Variants in CEMIP observed in about 807,000 individuals in gnomAD.
CEMIP encodes the protein cell migration-inducing and hyaluronan-binding protein.
In CEMIP, 105 loss-of-function variants were observed where a neutral mutation model predicts 156.9. The ratio of observed to expected loss-of-function variants is 0.67; its 90% CI spans 0.57 to 0.79. The LOEUF (loss-of-function observed/expected upper bound fraction) is 0.79, where lower values mean the gene tolerates loss of function less well. Ranked by LOEUF, CEMIP falls within the 30% of genes least tolerant of loss-of-function variation. The pLI is 0.00. For missense variants in CEMIP, 1,457 were observed against 1,769.4 expected (o/e 0.82, Z 3.17); for synonymous variants, 676 against 668.4 (o/e 1.01, Z -0.17).
At chr15:80,824,534 C>G (rs1896986190) in intron 1 of CEMIP, among the ~76,000 whole-genome samples, 2 of 152,178 alleles carry the variant, frequency 1.3e-5, no homozygotes, top group South Asian at 2.1e-4. Context: ...CCCGCAGCCT[C>G]TTGCCCCATG....
chr15:80,821,660 G>A (rs1184713134), intron 1 of CEMIP, among the ~76,000 whole-genome samples: 1 of 152,190 alleles, frequency 6.6e-6, no homozygotes, highest in Non-Finnish European at 1.5e-5. Context: ...GAGGGAGAGG[G>A]AATGAGGTCT....
chr15:80,839,586 G>A (rs1469841951), intron 1 of CEMIP, among the ~76,000 whole-genome samples: 2 of 152,130 alleles, frequency 1.3e-5, no homozygotes, highest in Non-Finnish European at 2.9e-5. Context: ...CCTGTGCAGT[G>A]GGAAAAGGCA....
intron 25 of CEMIP, among the ~76,000 whole-genome samples, chr15:80,940,702 G>A (rs149956256): frequency 6.6e-6 from 1 of 152,240 alleles, no homozygotes; most frequent in Admixed American, 6.5e-5. Context: ...GCTACAGAGA[G>A]AAGACCAAGG....
At chr15:80,901,579 G>A (rs1899555124) in intron 12 of CEMIP, among the ~76,000 whole-genome samples, 2 of 151,980 alleles carry the variant, frequency 1.3e-5, no homozygotes, top group African/African-American at 4.8e-5. Context: ...GCAGGCACCT[G>A]TAATCCCAGC....
rs780972690 is a variant in CEMIP at position 80,924,720 on chromosome 15, G to A, written c.2288+14G>A. On this transcript the variant is annotated intron_variant, in intron 18 of 29. Transcript: ENST00000394685. ...CATCTCTGCCAGGTAATCAGCCATTGGGAAGACACAGTCCACGGTGACCTT... is the reference window on the plus strand; with the variant it reads ...CATCTCTGCCAGGTAATCAGCCATTAGGAAGACACAGTCCACGGTGACCTT... 2.5e-6 allele frequency: 4 copies of A among 1,612,402 alleles called. No homozygotes were observed. The highest frequency in any genetic ancestry group is 2.5e-6 in the Non-Finnish European group (3 of 1,178,640).
chr15:80,898,764 T>C (rs968098260), intron 12 of CEMIP, among the ~76,000 whole-genome samples: 2 of 152,212 alleles, frequency 1.3e-5, no homozygotes, highest in Non-Finnish European at 2.9e-5. Context: ...GCTATTTCTC[T>C]GCATGTCTCC....
chr15:80,930,379 G>T (rs1243276601), intron 21 of CEMIP, among the ~76,000 whole-genome samples: 1 of 152,210 alleles, frequency 6.6e-6, no homozygotes, highest in African/African-American at 2.4e-5. Context: ...ATGCTCTGAT[G>T]ACTTCCAAAG....
chr15:80,791,897 G>A (rs1896091468), intron 1 of CEMIP, among the ~76,000 whole-genome samples: 1 of 152,222 alleles, frequency 6.6e-6, no homozygotes, highest in African/African-American at 2.4e-5. Flanking sequence ...CACGAAGGAT[G>A]CAGATTCAGC....
At chr15:80,947,729 T>C (rs1901623892) in intron 29 of CEMIP, 1 of 153,688 alleles carries the variant, frequency 6.5e-6, no homozygotes, top group African/African-American at 2.4e-5. Context: ...ATGATCATTG[T>C]GGTTGCTATT....
intron 1 of CEMIP, among the ~76,000 whole-genome samples, chr15:80,795,539 G>C (rs1202778592): frequency 6.6e-6 from 1 of 152,178 alleles, no homozygotes; most frequent in Non-Finnish European, 1.5e-5. Context: ...CTAGGTGGAT[G>C]TTAGGAAGAC....
At chr15:80,880,781 T>A in intron 5 of CEMIP, 119 bp from the exon 6 acceptor site, 1 of 823,332 alleles carries the variant, frequency 1.2e-6, no homozygotes, top group East Asian at 2.4e-5. Flanking sequence ...TGTGACTGGC[T>A]CTATGGTGGC....
rs545796881 is a variant in CEMIP at position 80,860,972 on chromosome 15, T to C, written c.-175-12566T>C. ...GCCACCTTATCAGAGAGAGCTTTCCTCTCCTCTGCTTGATTTCTCTCTGTA... is the reference window on the plus strand; with the variant it reads ...GCCACCTTATCAGAGAGAGCTTTCCCCTCCTCTGCTTGATTTCTCTCTGTA... On this transcript the variant is annotated intron_variant, in intron 1 of 29. Coordinates refer to ENST00000394685, the MANE Select transcript of CEMIP (RefSeq NM_001293298.2). 1.2e-4 allele frequency among the ~76,000 whole-genome samples: 18 copies of C among 152,146 alleles called. 1 individual carries two copies. The South Asian group carries it at 3.3e-3, about 28-fold the overall frequency.
intron 1 of CEMIP, among the ~76,000 whole-genome samples, chr15:80,797,377 A>T (rs1456699187): frequency 6.6e-6 from 1 of 151,974 alleles, no homozygotes; most frequent in Non-Finnish European, 1.5e-5. Flanking sequence ...TGGCGTGTGG[A>T]GGGTAGGGAG....
At chr15:80,838,430 T>C (rs1897313607) in intron 1 of CEMIP, among the ~76,000 whole-genome samples, 1 of 152,110 alleles carries the variant, frequency 6.6e-6, no homozygotes, top group Non-Finnish European at 1.5e-5. Context: ...ATCTGCCTAG[T>C]GGTTCTGAAA....
intron 1 of CEMIP, among the ~76,000 whole-genome samples, chr15:80,838,800 G>A (rs954541421): frequency 6.6e-5 from 10 of 152,116 alleles, no homozygotes; most frequent in African/African-American, 2.4e-4. Flanking sequence ...TTTTGCAGAC[G>A]AGCACACTGA....
rs770293978 is a variant in CEMIP, at chr15:80,879,735, C to A, written c.261C>A (p.Asp87Glu). The A allele has an allele frequency of 1.9e-6, 3 of 1,614,194 alleles. No individual in the cohort carries two copies. The highest frequency in any genetic ancestry group is 2.2e-5 in the South Asian group (2 of 91,082). Reference protein sequence around the residue: ...ISEGGKLVIKDHDEPIVLRTR... With the variant: ...ISEGGKLVIKEHDEPIVLRTR... ...CTTCAGGCAAGCTGGTCATTAAAGA[C>A]CACGACGAGCCGATTGTTTTGCGAA... The change falls in exon 5 of 30, where the codon GAC (aspartate) becomes GAA (glutamate). Residue 87 changes from aspartate to glutamate, a missense_variant. Physicochemically the swap from Asp to Glu is conservative, Grantham distance 45 (BLOSUM62 2). This residue lies in a region of CEMIP where 309 missense variants were observed against 340.8 expected (regional missense o/e 0.91). Coordinates refer to ENST00000394685, the MANE Select transcript of CEMIP (RefSeq NM_001293298.2).
chr15:80,879,582 G>C, intron 4 of CEMIP, 134 bp from the exon 5 acceptor site: 1 of 1,011,100 alleles, frequency 9.9e-7, no homozygotes, highest in Non-Finnish European at 1.6e-6. Flanking sequence ...ACCAAGCATA[G>C]GAATGTTTGG....
intron 5 of CEMIP, 64 bp from the exon 6 acceptor site, chr15:80,880,836 T>G: frequency 1.4e-6 from 2 of 1,387,324 alleles, no homozygotes; most frequent in African/African-American, 1.4e-5. Flanking sequence ...CTAGGTTCCC[T>G]CTGGGTTCAG....
At chr15:80,927,314 C>A (rs558471001) in intron 19 of CEMIP, among the ~76,000 whole-genome samples, 5 of 152,216 alleles carry the variant, frequency 3.3e-5, no homozygotes, top group Admixed American at 1.3e-4. Flanking sequence ...GAAGGAAGAA[C>A]CTTCCTACCA....
Sources: allele counts gnomAD v4.1 joint callset (sites outside exome capture counted in the v4.1 genomes callset), GRCh38; gene constraint gnomAD v4.1.1; regional missense constraint gnomAD v4.1.1; transcripts MANE v1.5; gene names NCBI Gene and HGNC (gene_info 2026-07-23, HGNC 2026-07-21).